PAK3: variants seen among roughly 807,000 people sequenced by gnomAD.
PAK3 encodes serine/threonine-protein kinase PAK 3.
In PAK3, 4 loss-of-function variants were observed where a neutral mutation model predicts 41.0. The ratio of observed to expected loss-of-function variants is 0.10; its 90% CI spans 0.05 to 0.22. The LOEUF (loss-of-function observed/expected upper bound fraction) is 0.22. Ranked by LOEUF, PAK3 falls within the 10% of genes least tolerant of loss-of-function variation. The pLI, the probability that PAK3 is intolerant of heterozygous loss-of-function variation, is 1.00. For missense variants in PAK3, 205 were observed against 409.9 expected, an observed-to-expected ratio of 0.50 and a Z score of 4.32; for synonymous variants, 146 against 139.6, an observed-to-expected ratio of 1.05 and a Z score of -0.32.
At chrX:111,002,320 G>A (rs754360663) in intron 1 of PAK3, among the ~76,000 whole-genome samples, 1 of 112,114 alleles carries the variant, frequency 8.9e-6, no homozygotes, top group East Asian at 2.8e-4. Flanking sequence ...ACAGTAAGTG[G>A]TTAGAACCAA....
chrX:111,200,301 T>G (rs1299471418), intron 16 of PAK3, among the ~76,000 whole-genome samples: 1 of 112,193 alleles, frequency 8.9e-6, no homozygotes, highest in African/African-American at 3.2e-5. Flanking sequence ...GGGAACTGCA[T>G]TCCCTGTATA....
intron 1 of PAK3, among the ~76,000 whole-genome samples, chrX:110,999,007 T>C (rs2091797176): frequency 8.9e-6 from 1 of 111,837 alleles, no homozygotes; most frequent in Admixed American, 9.5e-5. Context: ...GGGCATGTTA[T>C]ATCTCTGTAG....
chrX:111,190,666 A>T (rs1034329491), intron 11 of PAK3, among the ~76,000 whole-genome samples: 1 of 111,719 alleles, frequency 9.0e-6, no homozygotes, highest in African/African-American at 3.3e-5. Context: ...GCCAGGTCAT[A>T]TACACTTCCT....
At chrX:111,115,156 C>G (rs1199878173) in intron 4 of PAK3, among the ~76,000 whole-genome samples, 1 of 111,805 alleles carries the variant, frequency 8.9e-6, no homozygotes, top group Non-Finnish European at 1.9e-5. Flanking sequence ...TAAAGATGAA[C>G]CATATATTCT....
chrX:111,195,796 A>T (rs761213654), intron 14 of PAK3, 46 bp from the exon 15 acceptor site: 1 of 815,569 alleles, frequency 1.2e-6, no homozygotes, highest in Non-Finnish European at 1.9e-6. Flanking sequence ...CTTAGTATTA[A>T]AAATTATTTG....
intron 11 of PAK3, among the ~76,000 whole-genome samples, chrX:111,174,173 A>G (rs1190902270): frequency 8.9e-6 from 1 of 111,935 alleles, no homozygotes; most frequent in African/African-American, 3.2e-5. Flanking sequence ...AGTATACATC[A>G]TATATAAGCT....
chrX:111,213,743 G>A (rs1200906411), intron 16 of PAK3, among the ~76,000 whole-genome samples: 1 of 111,938 alleles, frequency 8.9e-6, no homozygotes, highest in Non-Finnish European at 1.9e-5. Context: ...AGGAGGCAGC[G>A]AATGCAATTT....
chrX:111,047,854 T>G (rs904320070), intron 1 of PAK3, among the ~76,000 whole-genome samples: 5 of 112,124 alleles, frequency 4.5e-5, no homozygotes, highest in African/African-American at 1.6e-4. Flanking sequence ...TCTCTTTCTC[T>G]TCTGCATCAT....
intron 1 of PAK3, among the ~76,000 whole-genome samples, chrX:111,028,738 T>TCACCC (rs1351490053): frequency 8.9e-6 from 1 of 111,788 alleles, no homozygotes; most frequent in African/African-American, 3.3e-5. Flanking sequence ...TATTTAATTT[T>TCACCC]CACAACCACC....
At chrX:110,945,314 A>C (rs1003453808) in intron 1 of PAK3, among the ~76,000 whole-genome samples, 1 of 111,513 alleles carries the variant, frequency 9.0e-6, no homozygotes, top group African/African-American at 3.3e-5. Context: ...ATTCCATGCC[A>C]AGCCAGACTG....
chrX:111,083,619 C>T (rs1188162269), intron 1 of PAK3, among the ~76,000 whole-genome samples: 2 of 112,216 alleles, frequency 1.8e-5, no homozygotes, highest in South Asian at 3.7e-4. Flanking sequence ...TCTAAACATT[C>T]GAACTGATGA....
intron 11 of PAK3, among the ~76,000 whole-genome samples, chrX:111,191,257 C>T (rs1360231369): frequency 9.0e-6 from 1 of 111,075 alleles, no homozygotes; most frequent in Non-Finnish European, 1.9e-5. Flanking sequence ...TGCCACCACA[C>T]CTGGCTAATT....
intron 4 of PAK3, among the ~76,000 whole-genome samples, chrX:111,114,425 C>G (rs2093427693): frequency 8.9e-6 from 1 of 112,309 alleles, no homozygotes; most frequent in Non-Finnish European, 1.9e-5. Flanking sequence ...CAGTTACTAT[C>G]TGTCACCTCA....
chrX:111,209,197 C>T (rs939031646), intron 16 of PAK3, among the ~76,000 whole-genome samples: 3 of 111,232 alleles, frequency 2.7e-5, no homozygotes, highest in South Asian at 3.9e-4. Context: ...AGACTGGGAA[C>T]AGTGAGACGT....
chrX:110,959,408 T>C (rs1254716742), intron 1 of PAK3, among the ~76,000 whole-genome samples: 4 of 112,041 alleles, frequency 3.6e-5, no homozygotes, highest in African/African-American at 1.3e-4. Flanking sequence ...CTTTACACTC[T>C]ATCCTCTTTC....
At chrX:111,187,840 G>A (rs1482411813) in intron 11 of PAK3, among the ~76,000 whole-genome samples, 1 of 109,571 alleles carries the variant, frequency 9.1e-6, no homozygotes, top group Non-Finnish European at 1.9e-5. Context: ...GTCAGAGCAG[G>A]GAGTTCCAAC....
chrX:111,145,539 A>G (rs1233001489), intron 6 of PAK3, among the ~76,000 whole-genome samples: 1 of 111,829 alleles, frequency 8.9e-6, no homozygotes, highest in Admixed American at 9.5e-5. Flanking sequence ...AAATGCTATT[A>G]ATTGCACTTA....
intron 1 of PAK3, among the ~76,000 whole-genome samples, chrX:110,958,181 A>T (rs2090905622): frequency 8.9e-6 from 1 of 111,859 alleles, no homozygotes; most frequent in Admixed American, 9.5e-5. Flanking sequence ...TATTCAAGTG[A>T]CTAAAAGAGA....
chrX:111,044,700 C>A (rs778017056), intron 1 of PAK3, among the ~76,000 whole-genome samples: 1 of 112,381 alleles, frequency 8.9e-6, no homozygotes, highest in African/African-American at 3.2e-5. Context: ...TCAGGTGCAG[C>A]TTTAGAGAAG....
Sources: gnomAD v4.1 joint callset for allele counts (sites outside exome capture counted in the v4.1 genomes callset) on GRCh38, gnomAD v4.1.1 for gene constraint, MANE v1.5 for transcripts, NCBI Gene and HGNC (gene_info 2026-07-23, HGNC 2026-07-21) for gene names.